The following TTK variants were observed in gnomAD, a reference collection of about 807,000 sequenced individuals.
The protein encoded by TTK is TTK protein kinase.
Under a neutral mutation model 117.3 loss-of-function variants are expected in TTK, and 59 were observed. The ratio of observed to expected loss-of-function variants is 0.50; its 90% CI spans 0.41 to 0.62. TTK has a LOEUF of 0.62. TTK is among the 20% of genes least tolerant of loss of function. The pLI, the probability that TTK is intolerant of heterozygous loss-of-function variation, is 0.00. For synonymous variants in TTK, 302 were observed against 325.0 expected, an observed-to-expected ratio of 0.93 and a Z score of 0.76; for missense variants, 921 against 989.4, an observed-to-expected ratio of 0.93 and a Z score of 0.93.
intron 17 of TTK, among the ~76,000 whole-genome samples, chr6:80,037,088 T>C (rs1397564773): frequency 2.0e-5 from 3 of 152,144 alleles, no homozygotes; most frequent in African/African-American, 7.2e-5. Flanking sequence ...TTATAATAGA[T>C]ATTGCAACAG....
intron 13 of TTK, among the ~76,000 whole-genome samples, chr6:80,030,732 G>A (rs764738965): frequency 6.6e-5 from 10 of 152,054 alleles, no homozygotes; most frequent in African/African-American, 1.4e-4. Flanking sequence ...ACCAGGCCCC[G>A]CCTCCAACAT....
At chr6:80,010,792 CA>C in intron 4 of TTK, 21 bp from the exon 5 acceptor site, 1 of 1,594,796 alleles carries the variant, frequency 6.3e-7, no homozygotes, top group Non-Finnish European at 8.6e-7. Flanking sequence ...CTAAAAATGA[CA>C]ATTATCTTTT....
intron 3 of TTK, 73 bp from the exon 4 acceptor site, chr6:80,008,313 T>C (rs958643539): frequency 8.4e-6 from 12 of 1,433,536 alleles, no homozygotes; most frequent in Non-Finnish European, 1.1e-5. Flanking sequence ...TTTTGGAAAA[T>C]TGAATGAAGC....
At position 80,026,385 on chromosome 6, in the gene TTK, A is replaced by G. The variant is rs773385884; in HGVS notation, c.1265A>G (p.His422Arg). Residue 422 changes from histidine to arginine, a missense_variant, in exon 12 of 22, where the codon CAT (histidine) becomes CGT (arginine). His to Arg is a conservative substitution (Grantham distance 29, BLOSUM62 0). Coordinates refer to ENST00000369798, the MANE Select transcript of TTK (RefSeq NM_003318.5). ...LARKVNTEQK[H>R]TTFEQPVFSV... ...TTCTTTATTTTGTTTTAGCAGAAAC[A>G]TACCACTTTTGAGCAACCTGTCTTT... 6.2e-6 allele frequency: 10 copies of G among 1,612,804 alleles called. No homozygotes were observed. The Admixed American group carries it at 6.7e-5, about 11-fold the overall frequency.
chr6:80,011,682 A>G (rs1767160214), intron 6 of TTK, 47 bp from the exon 7 acceptor site: 1 of 1,594,870 alleles, frequency 6.3e-7, no homozygotes, highest in African/African-American at 1.3e-5. Context: ...AGAAATACAT[A>G]TTAATATTGT....
At chr6:80,015,321 C>T (rs747419241) in intron 10 of TTK, among the ~76,000 whole-genome samples, 2 of 152,076 alleles carry the variant, frequency 1.3e-5, no homozygotes, top group Non-Finnish European at 2.9e-5. Context: ...TAAGACTAGG[C>T]GGACTTTGAA....
At chr6:80,017,358 A>G (rs983345444) in intron 10 of TTK, among the ~76,000 whole-genome samples, 25 of 150,698 alleles carry the variant, frequency 1.7e-4, no homozygotes, top group African/African-American at 6.1e-4. Flanking sequence ...GCTCATTGCA[A>G]CCTCCGCCTC....
At position 80,039,721 on chromosome 6, in the gene TTK, C is replaced by A; in HGVS notation, c.2156C>A (p.Ser719Tyr). The A allele has an allele frequency of 6.5e-7, 1 of 1,536,172 alleles. No individual in the cohort carries two copies. The highest frequency in any genetic ancestry group is 1.4e-5 in the South Asian group (1 of 73,574). The change falls in exon 19 of 22, where the codon TCC becomes TAC. Residue 719 changes from serine (S) to tyrosine (Y), a missense_variant. Coordinates refer to ENST00000369798, the MANE Select transcript of TTK (RefSeq NM_003318.5). ...SKISPKSDVW[S>Y]LGCILYYMTY... ...ATAAGCCCCAAAAGTGATGTTTGGT[C>A]CTTAGGATGTATTTTGTACTATATG... is the stretch of plus-strand genomic sequence containing the variant.
chr6:80,037,342 A>G (rs1767931383), intron 17 of TTK, among the ~76,000 whole-genome samples: 1 of 152,066 alleles, frequency 6.6e-6, no homozygotes, highest in South Asian at 2.1e-4. Flanking sequence ...TCAGCTTGAC[A>G]ATATCTTCCA....
rs191465967 is a variant in TTK at position 80,005,060 on chromosome 6, A to G, written c.-3+347A>G. The G allele has an allele frequency of 6.9e-3, 1,050 of 152,378 alleles. 8 individuals are homozygous for G. The highest frequency in any genetic ancestry group is 0.01 in the South Asian group (49 of 4,830). 9.4% of individuals were successfully genotyped at this position (152,378 alleles called of 1,614,324 possible). A position where few individuals can be genotyped will look rare whatever the true frequency, so the allele number is the denominator to read the frequency against. ...GAAAGAAGCGGGTGGCCGTGATCTG[A>G]CAGTTATCTTTCAAACCTGACTTAA... On this transcript the variant is annotated intron_variant, in intron 1 of 21. Transcript: ENST00000369798.
At chr6:80,023,336 G>T (rs1316250320) in intron 11 of TTK, among the ~76,000 whole-genome samples, 1 of 152,232 alleles carries the variant, frequency 6.6e-6, no homozygotes, top group Admixed American at 6.5e-5. Context: ...GCTCACGCCT[G>T]TAATCCCAGC....
chr6:80,028,558 T>C (rs903658641), intron 13 of TTK, among the ~76,000 whole-genome samples: 1 of 152,006 alleles, frequency 6.6e-6, no homozygotes, highest in African/African-American at 2.4e-5. Flanking sequence ...CCTCAAACCA[T>C]CCGCCCGCCT....
chr6:80,021,307 G>A (rs1767452182), intron 10 of TTK, among the ~76,000 whole-genome samples: 1 of 152,206 alleles, frequency 6.6e-6, no homozygotes, highest in Non-Finnish European at 1.5e-5. Context: ...ATTTGCAAGT[G>A]GCTCCTGCGT....
chr6:80,029,779 G>A (rs1767705453), intron 13 of TTK, among the ~76,000 whole-genome samples: 2 of 152,206 alleles, frequency 1.3e-5, no homozygotes. Context: ...ACAGTGAGTA[G>A]GGCATACTAA....
chr6:80,035,486 A>G, intron 16 of TTK, 69 bp downstream of exon 16: 2 of 1,441,524 alleles, frequency 1.4e-6, no homozygotes, highest in Non-Finnish European at 9.2e-7. Context: ...AGAGAAATAT[A>G]CCTATAATTT....
intron 9 of TTK, 31 bp from the exon 10 acceptor site, chr6:80,014,432 G>A (rs960271549): frequency 5.7e-6 from 9 of 1,573,856 alleles, no homozygotes; most frequent in Non-Finnish European, 7.7e-6. Context: ...TACTATTTAT[G>A]GGACTTTATT....
intron 17 of TTK, 45 bp downstream of exon 17, chr6:80,036,644 T>C: frequency 2.6e-6 from 4 of 1,547,068 alleles, no homozygotes; most frequent in Non-Finnish European, 3.5e-6. Flanking sequence ...TCAATTCTTT[T>C]TTTACCTGTG....
rs148971862 is a variant in TTK at position 80,013,329 on chromosome 6, C to T, written c.947C>T (p.Pro316Leu). ...GATTTGGTTGTGCCTGGATCTAAAC[C>T]AAGTGGAAATGATTCCTGTGAATTA... ...CRDLVVPGSK[P>L]SGNDSCELRN... The change falls in exon 9 of 22, where the codon CCA becomes CTA. Residue 316 changes from proline (P) to leucine (L), a missense_variant. By Grantham distance (98) the Pro-to-Leu change is moderately conservative. Transcript: ENST00000369798. 5.4e-5 allele frequency: 86 copies of T among 1,601,984 alleles called. No homozygotes were observed. Among genetic ancestry groups the T allele is most frequent in the Non-Finnish European group, 6.8e-5 (80 of 1,176,218 alleles).
intron 4 of TTK, 26 bp downstream of exon 4, chr6:80,008,518 T>A (rs1323242923): frequency 6.3e-7 from 1 of 1,579,196 alleles, no homozygotes; most frequent in Admixed American, 1.8e-5. Context: ...CAAATTCAAA[T>A]TTTAAGTAAA....
Sources: allele counts gnomAD v4.1 joint callset (sites outside exome capture counted in the v4.1 genomes callset), GRCh38; gene constraint gnomAD v4.1.1; transcripts MANE v1.5; gene names NCBI Gene and HGNC (gene_info 2026-07-23, HGNC 2026-07-21).